Variants in SENP7 observed in about 807,000 individuals in gnomAD.
The protein encoded by SENP7 is sentrin-specific protease 7.
A neutral mutation model predicts 141.2 loss-of-function variants in SENP7; 64 were observed. The observed-to-expected ratio is 0.45, with a 90% CI of 0.37 to 0.56. The LOEUF is 0.56. SENP7 is among the 20% of genes least tolerant of loss of function. The pLI is 0.00. For missense variants in SENP7, 1,025 were observed against 1,212.2 expected (o/e 0.85, Z 2.29); for synonymous variants, 382 against 426.4 (o/e 0.90, Z 1.28).
intron 6 of SENP7, among the ~76,000 whole-genome samples, chr3:101,382,233 G>A (rs912879078): frequency 6.6e-6 from 1 of 152,084 alleles, no homozygotes; most frequent in East Asian, 1.9e-4. Flanking sequence ...CTGGAGTGCA[G>A]TGGCTTGATC....
At chr3:101,469,053 AGGG>A (rs1379234353) in intron 3 of SENP7, among the ~76,000 whole-genome samples, 1 of 152,188 alleles carries the variant, frequency 6.6e-6, no homozygotes, top group Non-Finnish European at 1.5e-5. Context: ...AAAAAAAAGC[AGGG>A]GTTGCAATCC....
At chr3:101,470,647 C>T (rs962551622) in intron 3 of SENP7, among the ~76,000 whole-genome samples, 3 of 152,084 alleles carry the variant, frequency 2.0e-5, no homozygotes, top group African/African-American at 7.2e-5. Flanking sequence ...GAAGTTCTGG[C>T]CAGGGCAATC....
intron 5 of SENP7, among the ~76,000 whole-genome samples, chr3:101,402,815 C>G (rs1559774342): frequency 6.6e-6 from 1 of 152,064 alleles, no homozygotes; most frequent in Non-Finnish European, 1.5e-5. Flanking sequence ...TGACAATGCA[C>G]CTAGTCACCC....
At position 101,366,596 on chromosome 3, in the gene SENP7, A is replaced by C; in HGVS notation, c.1152T>G (p.Ser384Arg). The C allele has an allele frequency of 6.2e-7, 1 of 1,613,946 alleles. No individual in the cohort carries two copies. Among genetic ancestry groups the C allele is most frequent in the Non-Finnish European group, 8.5e-7 (1 of 1,179,884 alleles). The change falls in exon 9 of 24, where the codon AGT becomes AGG. Residue 384 changes from serine (S) to arginine (R), a missense_variant. Physicochemically the swap from Ser to Arg is moderately radical, Grantham distance 110. This residue lies in a region of SENP7 where 496 missense variants were observed against 503.5 expected (regional missense o/e 0.99). Coordinates refer to ENST00000394095, the MANE Select transcript of SENP7 (RefSeq NM_020654.5). ...TTTCAGTGGTTGAACCGGCAGAGGC[A>C]CTTTTGGTGGCATTACTCAAAGTCA... ...QELTLSNATKSASAGSTTETV... is the reference protein window; with the variant it reads ...QELTLSNATKRASAGSTTETV...
intron 4 of SENP7, among the ~76,000 whole-genome samples, chr3:101,444,396 A>G (rs1487906454): frequency 1.3e-5 from 2 of 152,042 alleles, no homozygotes; most frequent in South Asian, 4.2e-4. Context: ...TACTGGGTAT[A>G]TACCCAAAGG....
At position 101,403,739 on chromosome 3, in the gene SENP7, TC is replaced by T. The variant is rs2061219061; in HGVS notation, c.483-4685del. Among the ~76,000 whole-genome samples the T allele has an allele frequency of 3.3e-5, 5 of 152,176 alleles. No individual in the cohort carries two copies. In the South Asian group the frequency reaches 1.0e-3, roughly 32 times the overall value. On this transcript the variant is annotated intron_variant, in intron 5 of 23. Coordinates refer to ENST00000394095, the MANE Select transcript of SENP7 (RefSeq NM_020654.5). Reference sequence around the variant, plus strand: ...GAACAAGGTTTCAGGATAAAAAAAATCAATGTACAAAAATCACTAGCATTCC... The same window carrying T: ...GAACAAGGTTTCAGGATAAAAAAAATAATGTACAAAAATCACTAGCATTCC...
chr3:101,495,075 T>C (rs1436290968), intron 2 of SENP7, among the ~76,000 whole-genome samples: 1 of 151,734 alleles, frequency 6.6e-6, no homozygotes, highest in African/African-American at 2.4e-5. Context: ...GAACATAAAT[T>C]TATAAGAAAA....
At chr3:101,513,045 C>A (rs768015693) in intron 1 of SENP7, 46 bp downstream of exon 1, 1 of 1,605,096 alleles carries the variant, frequency 6.2e-7, no homozygotes, top group South Asian at 1.1e-5. Context: ...CCCGTTTCCC[C>A]CGGGTAGGAG....
At chr3:101,441,666 A>C (rs1310467605) in intron 4 of SENP7, among the ~76,000 whole-genome samples, 1 of 152,116 alleles carries the variant, frequency 6.6e-6, no homozygotes, top group Non-Finnish European at 1.5e-5. Flanking sequence ...CTGACCAGGG[A>C]CCCAAGAACT....
chr3:101,508,988 A>C (rs1254249868), intron 1 of SENP7, among the ~76,000 whole-genome samples: 1 of 152,130 alleles, frequency 6.6e-6, no homozygotes, highest in Non-Finnish European at 1.5e-5. Flanking sequence ...AAACTGCAAT[A>C]TCTTTAGCTT....
intron 10 of SENP7, among the ~76,000 whole-genome samples, chr3:101,364,158 T>A (rs1391715809): frequency 6.6e-6 from 1 of 151,880 alleles, no homozygotes; most frequent in Non-Finnish European, 1.5e-5. Flanking sequence ...GCCCAAGAGG[T>A]TGAGGCTGCA....
intron 15 of SENP7, among the ~76,000 whole-genome samples, chr3:101,340,893 G>A (rs949403218): frequency 1.3e-5 from 2 of 152,098 alleles, no homozygotes; most frequent in Non-Finnish European, 2.9e-5. Context: ...GTGAATTCCG[G>A]GCTATAATCT....
intron 11 of SENP7, among the ~76,000 whole-genome samples, chr3:101,353,141 A>G (rs1157493584): frequency 2.0e-5 from 3 of 152,026 alleles, no homozygotes; most frequent in Non-Finnish European, 4.4e-5. Context: ...TTACTTTCAT[A>G]TAACTGCCAC....
intron 4 of SENP7, among the ~76,000 whole-genome samples, chr3:101,438,799 A>G (rs2062490752): frequency 6.6e-6 from 1 of 152,186 alleles, no homozygotes; most frequent in Admixed American, 6.5e-5. Context: ...CATTTAAAAA[A>G]GAATGAGTAT....
At chr3:101,410,767 C>T (rs1360274032) in intron 5 of SENP7, among the ~76,000 whole-genome samples, 2 of 151,778 alleles carry the variant, frequency 1.3e-5, no homozygotes, top group East Asian at 3.9e-4. Context: ...ATCACTTGAA[C>T]CTGGAAGGCG....
intron 11 of SENP7, 70 bp downstream of exon 11, chr3:101,361,645 A>G (rs1409754459): frequency 2.1e-6 from 3 of 1,421,712 alleles, no homozygotes; most frequent in Non-Finnish European, 2.8e-6. Context: ...TGCTAAGAAA[A>G]AAAAGGAAAA....
intron 1 of SENP7, among the ~76,000 whole-genome samples, chr3:101,509,522 C>G (rs1249679940): frequency 6.6e-6 from 1 of 152,220 alleles, no homozygotes; most frequent in African/African-American, 2.4e-5. Context: ...TCTTCCTCCG[C>G]ACTTTGAAAT....
chr3:101,411,943 A>G lies in SENP7; in HGVS notation c.482+5650T>C, dbSNP rs377653917. On this transcript the variant is annotated intron_variant, in intron 5 of 23. Coordinates refer to ENST00000394095, the MANE Select transcript of SENP7 (RefSeq NM_020654.5). The stretch of plus-strand genomic sequence containing the variant: ...GTATACTGGCCTGAGAAGTAGTATC[A>G]TTTTCTGACTGTGTCTCTGCATGAT... Among the ~76,000 whole-genome samples, 325 of 152,274 alleles carry G rather than the reference A, an allele frequency of 2.1e-3. 6 individuals are homozygous for G. The South Asian group carries it at 0.026, about 12-fold the overall frequency.
chr3:101,405,092 A>G (rs1475759729), intron 5 of SENP7, among the ~76,000 whole-genome samples: 2 of 152,182 alleles, frequency 1.3e-5, no homozygotes, highest in East Asian at 3.8e-4. Context: ...GGAAGCTCGC[A>G]TCGTGAATTT....
Sources: allele counts gnomAD v4.1 joint callset (sites outside exome capture counted in the v4.1 genomes callset), GRCh38; gene constraint gnomAD v4.1.1; regional missense constraint gnomAD v4.1.1; transcripts MANE v1.5; gene names NCBI Gene and HGNC (gene_info 2026-07-23, HGNC 2026-07-21).